The following CDS1 variants were observed in gnomAD, a reference collection of about 807,000 sequenced individuals.
CDS1 encodes CDP-diacylglycerol synthase 1, also known as phosphatidate cytidylyltransferase 1.
In CDS1, 41 loss-of-function variants were observed where a neutral mutation model predicts 62.1. That is an observed-to-expected ratio of 0.66 (90% CI 0.51 to 0.86). The LOEUF (loss-of-function observed/expected upper bound fraction) is 0.86. Among genes scored for constraint, CDS1 ranks in the 40% least tolerant of loss-of-function variants. CDS1 has a pLI of 0.00. For synonymous variants in CDS1, 185 were observed against 192.6 expected, an observed-to-expected ratio of 0.96 and a Z score of 0.32; for missense variants, 470 against 550.1, an observed-to-expected ratio of 0.85 and a Z score of 1.46.
At chr4:84,616,079 A>G (rs1247365477) in intron 3 of CDS1, among the ~76,000 whole-genome samples, 1 of 152,350 alleles carries the variant, frequency 6.6e-6, no homozygotes, top group South Asian at 2.1e-4. Flanking sequence ...AAATATGTTC[A>G]TAGAAATTAC....
chr4:84,630,070 C>T (rs551287251), intron 5 of CDS1, among the ~76,000 whole-genome samples: 3 of 152,202 alleles, frequency 2.0e-5, no homozygotes, highest in East Asian at 3.9e-4. Flanking sequence ...GTCCAGTCCA[C>T]GTTTGCCTTT....
At chr4:84,599,417 T>C (rs1185521342) in intron 1 of CDS1, among the ~76,000 whole-genome samples, 9 of 18,302 alleles carry the variant, frequency 4.9e-4, no homozygotes, top group African/African-American at 1.4e-3. Context: ...TATATATATA[T>C]ATATATATAT....
chr4:84,599,274 A>G (rs535423566), intron 1 of CDS1, among the ~76,000 whole-genome samples: 1 of 152,012 alleles, frequency 6.6e-6, no homozygotes, highest in African/African-American at 2.4e-5. Flanking sequence ...TGACTTCATT[A>G]TCTTACAAAG....
At position 84,637,344 on chromosome 4, in the gene CDS1, A is replaced by G. The variant is rs1560482339; in HGVS notation, c.811-1580A>G. On this transcript the variant is annotated intron_variant, in intron 8 of 12. Coordinates refer to ENST00000295887, the MANE Select transcript of CDS1 (RefSeq NM_001263.4). ...GAAATGCCAGAGCTTTAATTGGCTT[A>G]TGGTTCTGCAAGCTGTACAGGAAGC... is the stretch of plus-strand genomic sequence containing the variant. Among the ~76,000 whole-genome samples, 7 of 152,292 alleles carry G rather than the reference A, an allele frequency of 4.6e-5. No individual in the cohort carries two copies. In the South Asian group the frequency reaches 1.5e-3, roughly 32 times the overall value.
chr4:84,599,405 C>CACACAT (rs1231093037), intron 1 of CDS1, among the ~76,000 whole-genome samples: 21 of 24,682 alleles, frequency 8.5e-4, no homozygotes, highest in African/African-American at 2.4e-3. Flanking sequence ...CACACACACA[C>CACACAT]ATATATATAT....
intron 8 of CDS1, among the ~76,000 whole-genome samples, chr4:84,637,687 A>C (rs6829806): frequency 0.54 from 82,653 of 151,996 alleles, 22,880 homozygotes; most frequent in South Asian, 0.71. Context: ...GTGGAAGAAT[A>C]TTAGCAACTG....
At chr4:84,619,613 T>G in intron 5 of CDS1, 80 bp downstream of exon 5, 1 of 882,854 alleles carries the variant, frequency 1.1e-6, no homozygotes, top group Non-Finnish European at 1.6e-6. Context: ...TTTTAATTAG[T>G]AATTTTTTGG....
intron 1 of CDS1, among the ~76,000 whole-genome samples, chr4:84,590,132 G>A (rs561025418): frequency 2.0e-5 from 3 of 152,306 alleles, no homozygotes; most frequent in Middle Eastern, 6.8e-3. Flanking sequence ...TTTCAATGTG[G>A]GGAATTGATT....
chr4:84,602,213 A>G (rs1055867650), intron 1 of CDS1, among the ~76,000 whole-genome samples: 14 of 152,208 alleles, frequency 9.2e-5, no homozygotes, highest in African/African-American at 3.1e-4. Context: ...TTCTTTAATT[A>G]CTGAATGAAA....
chr4:84,641,361 T>C (rs1578054393), intron 10 of CDS1, among the ~76,000 whole-genome samples: 2 of 152,304 alleles, frequency 1.3e-5, no homozygotes, highest in Non-Finnish European at 2.9e-5. Flanking sequence ...CCATTGTGCC[T>C]GGCCTGAAGA....
chr4:84,626,108 G>A (rs898406924), intron 5 of CDS1, among the ~76,000 whole-genome samples: 1 of 151,878 alleles, frequency 6.6e-6, no homozygotes, highest in East Asian at 1.9e-4. Context: ...TGGAGGTTGC[G>A]GTGAGCCGAG....
chr4:84,616,245 T>A (rs974424293), intron 3 of CDS1, among the ~76,000 whole-genome samples: 11 of 152,362 alleles, frequency 7.2e-5, no homozygotes, highest in African/African-American at 2.4e-4. Flanking sequence ...GATTTCCTCC[T>A]GTCTTTATAA....
chr4:84,612,976 G>A (rs1723371096), intron 3 of CDS1, among the ~76,000 whole-genome samples: 1 of 141,066 alleles, frequency 7.1e-6, no homozygotes, highest in Non-Finnish European at 1.5e-5. Context: ...GTGACAGAGT[G>A]AGATCCTGTC....
rs371649448 is a variant in CDS1, at chr4:84,631,810, C to T, written c.581-9C>T. On this transcript the variant is annotated splice_polypyrimidine_tract_variant and intron_variant, in intron 5 of 12. Transcript: ENST00000295887. ...GTACAACGAGCACATGTTTTTTGTTCTTGAACAGGTTTCTGCATGTTTGTA... is the reference window on the plus strand; with the variant it reads ...GTACAACGAGCACATGTTTTTTGTTTTTGAACAGGTTTCTGCATGTTTGTA... 1.2e-6 allele frequency: 2 copies of T among 1,610,770 alleles called. No individual in the cohort carries two copies. Among genetic ancestry groups the T allele is most frequent in the Admixed American group, 1.7e-5 (1 of 59,926 alleles).
intron 6 of CDS1, among the ~76,000 whole-genome samples, chr4:84,632,900 G>T (rs1428267427): frequency 6.6e-6 from 1 of 152,230 alleles, no homozygotes; most frequent in Non-Finnish European, 1.5e-5. Context: ...AAGGCAGGCG[G>T]ATACCTTGAG....
At chr4:84,633,966 A>T (rs201197043) in intron 7 of CDS1, 27 bp downstream of exon 7, 62 of 1,359,868 alleles carry the variant, frequency 4.6e-5, no homozygotes, top group Middle Eastern at 3.6e-4. Context: ...ATGCTGCTTT[A>T]TAAGTATGTC....
At chr4:84,589,920 T>C (rs930628737) in intron 1 of CDS1, among the ~76,000 whole-genome samples, 5 of 152,146 alleles carry the variant, frequency 3.3e-5, no homozygotes, top group East Asian at 1.9e-4. Context: ...ACGCCATTCT[T>C]CTGCCTCAGC....
chr4:84,609,376 A>G, intron 2 of CDS1, 53 bp from the exon 3 acceptor site: 1 of 1,155,556 alleles, frequency 8.7e-7, no homozygotes, highest in Non-Finnish European at 1.3e-6. Flanking sequence ...TACTGAAACC[A>G]CACAAAAAAC....
At chr4:84,623,427 T>A (rs1723751134) in intron 5 of CDS1, among the ~76,000 whole-genome samples, 1 of 152,210 alleles carries the variant, frequency 6.6e-6, no homozygotes, top group African/African-American at 2.4e-5. Flanking sequence ...CAGTCTTGCC[T>A]TCCACCGGGC....
Sources: gnomAD v4.1 joint callset for allele counts (sites outside exome capture counted in the v4.1 genomes callset) on GRCh38, gnomAD v4.1.1 for gene constraint, MANE v1.5 for transcripts, NCBI Gene and HGNC (gene_info 2026-07-23, HGNC 2026-07-21) for gene names.